Variants in ADRA1B observed in about 807,000 individuals in gnomAD.
The protein encoded by ADRA1B is adrenoceptor alpha 1B, also known as alpha-1B adrenergic receptor.
Under a neutral mutation model 17.9 loss-of-function variants are expected in ADRA1B, and 17 were observed. The observed-to-expected ratio is 0.95, with a 90% CI of 0.65 to 1.42. The LOEUF is 1.42. ADRA1B is among the 40% of genes most tolerant of loss of function. ADRA1B has a pLI of 0.00. For synonymous variants in ADRA1B, 366 were observed against 327.6 expected, an observed-to-expected ratio of 1.12 and a Z score of -1.27; for missense variants, 681 against 722.1, an observed-to-expected ratio of 0.94 and a Z score of 0.65.
the ADRA1B span, among the ~76,000 whole-genome samples, chr5:159,979,277 T>C: frequency 6.6e-6 from 1 of 152,250 alleles, no homozygotes; most frequent in Non-Finnish European, 1.5e-5. Flanking sequence ...AATCCTGATT[T>C]TCCCATTTAT....
At chr5:159,886,762 A>C (rs979972389) in intron 1 of ADRA1B, among the ~76,000 whole-genome samples, 1 of 152,170 alleles carries the variant, frequency 6.6e-6, no homozygotes, top group Non-Finnish European at 1.5e-5. Context: ...ATGGTCTTAT[A>C]ATTAAGCAGA....
chr5:159,912,245 A>C (rs754109246), upstream of ADRA1B, among the ~76,000 whole-genome samples: 1 of 152,226 alleles, frequency 6.6e-6, no homozygotes, highest in Non-Finnish European at 1.5e-5. Context: ...AGAGTGGTTA[A>C]GTGACTTGCC....
At chr5:159,943,927 C>A (rs77437612) in intron 1 of ADRA1B, among the ~76,000 whole-genome samples, 1 of 151,554 alleles carries the variant, frequency 6.6e-6, no homozygotes, top group Admixed American at 6.6e-5. Context: ...CACACACACA[C>A]ACACACACAC....
chr5:159,882,659 C>G (rs1257126736), intron 1 of ADRA1B, among the ~76,000 whole-genome samples: 1 of 152,170 alleles, frequency 6.6e-6, no homozygotes, highest in Non-Finnish European at 1.5e-5. Flanking sequence ...TTTCCATCAC[C>G]CAATAGCCTG....
chr5:159,953,326 C>G (rs1167017664), intron 1 of ADRA1B, among the ~76,000 whole-genome samples: 3 of 152,154 alleles, frequency 2.0e-5, no homozygotes, highest in East Asian at 3.9e-4. Context: ...CCACCGCACT[C>G]TAGCCTGGGC....
intron 1 of ADRA1B, among the ~76,000 whole-genome samples, chr5:159,929,916 G>C (rs1417274735): frequency 6.6e-6 from 1 of 152,162 alleles, no homozygotes; most frequent in Non-Finnish European, 1.5e-5. Context: ...GTATGTTTGA[G>C]TGTTTTTGCA....
rs79554181 is a variant in ADRA1B, at chr5:159,959,942, C to A, written c.950-11937C>A. Reference sequence around the variant, plus strand: ...TTTGAGGCCAGGAAGATTAGCGTTTCGATCATAACTCTACCACTTAATATC... The same window carrying A: ...TTTGAGGCCAGGAAGATTAGCGTTTAGATCATAACTCTACCACTTAATATC... On this transcript the variant is annotated intron_variant, in intron 1 of 1. Transcript: ENST00000306675. Among the ~76,000 whole-genome samples, 1,277 of 152,246 alleles carry A rather than the reference C, an allele frequency of 8.4e-3. 20 individuals are homozygous for A. The highest frequency in any genetic ancestry group is 0.029 in the African/African-American group (1,192 of 41,540).
chr5:159,950,387 G>C (rs1755400215), intron 1 of ADRA1B: 1 of 642,152 alleles, frequency 1.6e-6, no homozygotes, highest in Admixed American at 2.3e-5. Flanking sequence ...CTGTGAGGAG[G>C]GGAGAGTCTC....
At chr5:159,912,025 A>G (rs1250264722), upstream of ADRA1B, among the ~76,000 whole-genome samples, 1 of 152,146 alleles carries the variant, frequency 6.6e-6, no homozygotes, top group Non-Finnish European at 1.5e-5. Context: ...CCTACCTCAT[A>G]ATGTTATCAT....
chr5:159,955,116 T>C (rs758874283), intron 1 of ADRA1B: 183 of 984,416 alleles, frequency 1.9e-4, no homozygotes, highest in Non-Finnish European at 2.1e-4. Flanking sequence ...TGCTTAGCCT[T>C]CAGGATACCG....
chr5:159,951,528 C>T (rs900603433), intron 1 of ADRA1B: 10 of 634,038 alleles, frequency 1.6e-5, no homozygotes, highest in East Asian at 1.4e-4. Flanking sequence ...TGGCAATGCA[C>T]GAGAAGATGC....
In ADRA1B at chr5:159,972,968, G is replaced by A. The variant is rs888826072; in HGVS notation, c.*476G>A. Among the ~76,000 whole-genome samples the A allele has an allele frequency of 2.6e-5, 4 of 152,220 alleles. No homozygotes were observed. The highest frequency in any genetic ancestry group is 9.6e-5 in the African/African-American group (4 of 41,454). On this transcript the variant is annotated 3_prime_UTR_variant, in exon 2 of 2. Coordinates refer to ENST00000306675, the MANE Select transcript of ADRA1B (RefSeq NM_000679.4). ...TACTTCACTGAAGGATGGCACTTTGGTGGGGTTGGAAACAAAGTCGACATT... is the reference window on the plus strand; with the variant it reads ...TACTTCACTGAAGGATGGCACTTTGATGGGGTTGGAAACAAAGTCGACATT...
intron 1 of ADRA1B, among the ~76,000 whole-genome samples, chr5:159,890,862 T>C (rs1482412314): frequency 6.6e-6 from 1 of 152,222 alleles, no homozygotes; most frequent in African/African-American, 2.4e-5. Flanking sequence ...CAATTTCTTA[T>C]TGTAAAACAA....
At chr5:159,913,978 C>G (rs1232837475), upstream of ADRA1B, among the ~76,000 whole-genome samples, 2 of 152,134 alleles carry the variant, frequency 1.3e-5, no homozygotes, top group Non-Finnish European at 2.9e-5. Context: ...TATAAGTAAA[C>G]CAGCTCAAGA....
At chr5:159,987,949 A>G in the ADRA1B span, among the ~76,000 whole-genome samples, 1 of 152,026 alleles carries the variant, frequency 6.6e-6, no homozygotes, top group African/African-American at 2.4e-5. Flanking sequence ...GCCGCCCAAA[A>G]TATGTTCACA....
At chr5:159,872,594 G>A (rs538360838) in intron 1 of ADRA1B, among the ~76,000 whole-genome samples, 75 of 152,242 alleles carry the variant, frequency 4.9e-4, no homozygotes, top group Middle Eastern at 3.4e-3. Context: ...TTGAATCCAG[G>A]TCTGTCTGAA....
intron 1 of ADRA1B, among the ~76,000 whole-genome samples, chr5:159,929,731 A>G (rs1754750162): frequency 6.6e-6 from 1 of 151,798 alleles, no homozygotes; most frequent in Non-Finnish European, 1.5e-5. Flanking sequence ...TGATGCATAG[A>G]TTCTTATTTG....
intron 1 of ADRA1B, among the ~76,000 whole-genome samples, chr5:159,877,287 C>G (rs1338276442): frequency 6.6e-6 from 1 of 152,138 alleles, no homozygotes; most frequent in African/African-American, 2.4e-5. Context: ...AAGCTGATGA[C>G]CTCAGAAGAC....
At chr5:159,885,293 C>G (rs1753911345) in intron 1 of ADRA1B, among the ~76,000 whole-genome samples, 1 of 152,148 alleles carries the variant, frequency 6.6e-6, no homozygotes, top group South Asian at 2.1e-4. Context: ...CAGCCTTCTT[C>G]CTTCCTAATA....
Sources: allele counts gnomAD v4.1 joint callset (sites outside exome capture counted in the v4.1 genomes callset), GRCh38; gene constraint gnomAD v4.1.1; transcripts MANE v1.5; gene names NCBI Gene and HGNC (gene_info 2026-07-23, HGNC 2026-07-21).